CFAP53: variants seen among roughly 807,000 people sequenced by gnomAD.
CFAP53 encodes cilia and flagella associated protein 53.
In CFAP53, 62 loss-of-function variants were observed where a neutral mutation model predicts 59.7. That is an observed-to-expected ratio of 1.04 (90% confidence interval 0.85 to 1.28). The LOEUF (loss-of-function observed/expected upper bound fraction) is 1.28, where lower values mean the gene tolerates loss of function less well. CFAP53 is among the 50% of genes most tolerant of loss of function. The pLI, the probability that CFAP53 is intolerant of heterozygous loss-of-function variation, is 0.00. For missense variants in CFAP53, 629 were observed against 615.6 expected (o/e 1.02, Z -0.23); for synonymous variants, 218 against 205.7 (o/e 1.06, Z -0.51).
rs1438605920 is a variant in CFAP53 at position 50,242,001 on chromosome 18, T to C, written c.1213+899A>G. Among the ~76,000 whole-genome samples the C allele has an allele frequency of 2.6e-5, 4 of 152,152 alleles. No individual in the cohort carries two copies. In the South Asian group the frequency reaches 6.2e-4, roughly 24 times the overall value. ...CAGACACTCCCAGAGCAGCTGTCTA[T>C]AGACCTACCCCCAGGAATGCATTCC... On this transcript the variant is annotated intron_variant, in intron 6 of 7. Coordinates refer to ENST00000398545, the MANE Select transcript of CFAP53 (RefSeq NM_145020.5).
At position 50,244,878 on chromosome 18, in the gene CFAP53, TG is replaced by T. The variant is rs141472736; in HGVS notation, c.997-1763del. ...GAGTTGGAAACCAGCCTGGCCAACA[TG>T]GTAAAACCCCGTCTCTACTAAAAAT... On this transcript the variant is annotated intron_variant, in intron 5 of 7. Coordinates refer to ENST00000398545, the MANE Select transcript of CFAP53 (RefSeq NM_145020.5). 0.013 allele frequency among the ~76,000 whole-genome samples: 1,962 copies of T among 150,884 alleles called. 132 individuals are homozygous for T. In the East Asian group the frequency reaches 0.21, roughly 17 times the overall value.
chr18:50,258,661 G>A (rs968982593), intron 3 of CFAP53, among the ~76,000 whole-genome samples: 1 of 152,128 alleles, frequency 6.6e-6, no homozygotes, highest in African/African-American at 2.4e-5. Context: ...ACAAAGTGAA[G>A]AGACAACCCA....
intron 3 of CFAP53, among the ~76,000 whole-genome samples, chr18:50,254,877 G>A (rs575514353): frequency 6.6e-6 from 1 of 152,318 alleles, no homozygotes; most frequent in East Asian, 1.9e-4. Context: ...GGCAACAAGA[G>A]TGAAACTCTG....
chr18:50,227,537 T>C lies in CFAP53; in HGVS notation c.1389A>G (p.Glu463=). 1 of 1,614,228 alleles carries C rather than the reference T, an allele frequency of 6.2e-7. No homozygotes were observed. The highest frequency in any genetic ancestry group is 8.5e-7 in the Non-Finnish European group (1 of 1,180,038). ...CTCGGCGTTTCTCTTCCTTCTCTGC[T>C]TCTTGGGACTGCTGCTGGTAGGCGA... is the stretch of plus-strand genomic sequence containing the variant. ...MQIAYQQQSQ[E]AEKEEKRREF... The change falls in exon 8 of 8, where the codon GAA becomes GAG. Residue 463 remains glutamate (E), a synonymous_variant. Transcript: ENST00000398545.
chr18:50,229,267 A>G (rs4299249), intron 7 of CFAP53, among the ~76,000 whole-genome samples: 149,799 of 152,238 alleles, frequency 0.98, 73,745 homozygotes, highest in East Asian at 1. Context: ...CCTGGTAACC[A>G]CCATTCTACT....
chr18:50,237,999 G>T (rs2033654457), intron 7 of CFAP53, among the ~76,000 whole-genome samples: 1 of 152,090 alleles, frequency 6.6e-6, no homozygotes, highest in South Asian at 2.1e-4. Context: ...TAGGATTTAA[G>T]GTTGGTGCCA....
At chr18:50,250,233 AAAAAGAG>A (rs1568155982) in intron 5 of CFAP53, among the ~76,000 whole-genome samples, 2 of 143,422 alleles carry the variant, frequency 1.4e-5, no homozygotes, top group South Asian at 2.3e-4. Context: ...AAAAAAAAAA[AAAAAGAG>A]AGAGAGAGAG....
chr18:50,264,072 G>T (rs1266757175), intron 1 of CFAP53, among the ~76,000 whole-genome samples: 1 of 152,166 alleles, frequency 6.6e-6, no homozygotes, highest in African/African-American at 2.4e-5. Context: ...AAAGTAAAAA[G>T]AAACAGGGGA....
intron 7 of CFAP53, among the ~76,000 whole-genome samples, chr18:50,232,514 T>C (rs1333757479): frequency 6.6e-6 from 1 of 152,172 alleles, no homozygotes; most frequent in African/African-American, 2.4e-5. Flanking sequence ...GCCAGGTTAC[T>C]GAAAGGCAGA....
chr18:50,245,402 A>C (rs1002568958), intron 5 of CFAP53, among the ~76,000 whole-genome samples: 12 of 151,750 alleles, frequency 7.9e-5, no homozygotes, highest in South Asian at 2.1e-4. Flanking sequence ...AAAAAAAAAA[A>C]AAAAAAACTA....
intron 6 of CFAP53, among the ~76,000 whole-genome samples, 167 bp downstream of exon 6, chr18:50,242,733 A>G (rs2033702702): frequency 6.6e-6 from 1 of 152,222 alleles, no homozygotes; most frequent in African/African-American, 2.4e-5. Flanking sequence ...TGGTCTCTTC[A>G]TATATATCCA....
rs1568148474 is a variant in CFAP53 at position 50,227,427 on chromosome 18, T to C, written c.1499A>G (p.Asn500Ser). Residue 500 changes from asparagine (N) to serine (S), a missense_variant, in exon 8 of 8, where the codon AAC becomes AGC. By Grantham distance (46) the Asn-to-Ser change is conservative. Coordinates refer to ENST00000398545, the MANE Select transcript of CFAP53 (RefSeq NM_145020.5). ...GCATGCCTTGCGCATGGGATGAATG[T>C]TTTGAGGCAGCACTTGATGGGTGGA... ...VLSTHQVLPQ[N>S]IHPMRKACPS... 1 of 1,614,140 alleles carries C rather than the reference T, an allele frequency of 6.2e-7. No individual in the cohort carries two copies. Among genetic ancestry groups the C allele is most frequent in the African/African-American group, 1.3e-5 (1 of 75,032 alleles).
At chr18:50,253,645 TTTATTTTTA>T (rs539233533) in intron 3 of CFAP53, among the ~76,000 whole-genome samples, 29 of 152,222 alleles carry the variant, frequency 1.9e-4, no homozygotes, top group Non-Finnish European at 3.8e-4. Flanking sequence ...TTACTGCAAA[TTTATTTTTA>T]TTATTTTTAT....
At chr18:50,237,749 C>T (rs2033652308) in intron 7 of CFAP53, among the ~76,000 whole-genome samples, 1 of 152,100 alleles carries the variant, frequency 6.6e-6, no homozygotes, top group South Asian at 2.1e-4. Context: ...CCCACCTGAG[C>T]CTGGTTGTGG....
At chr18:50,248,127 A>AT (rs1465171482) in intron 5 of CFAP53, among the ~76,000 whole-genome samples, 5 of 105,460 alleles carry the variant, frequency 4.7e-5, no homozygotes, top group African/African-American at 6.0e-5. Context: ...CTCAACAAAA[A>AT]TTAAAAAAAA....
chr18:50,245,010 C>A, intron 5 of CFAP53, among the ~76,000 whole-genome samples: 1 of 141,638 alleles, frequency 7.1e-6, no homozygotes, highest in Non-Finnish European at 1.5e-5. Flanking sequence ...TTGCAGTGAG[C>A]CAAGAACATG....
chr18:50,251,706 A>C lies in CFAP53; in HGVS notation c.552T>G (p.Ile184Met). 4 of 1,614,192 alleles carry C rather than the reference A, an allele frequency of 2.5e-6. No individual in the cohort carries two copies. The highest frequency in any genetic ancestry group is 1.6e-4 in the Middle Eastern group (1 of 6,062). Residue 184 changes from isoleucine (I) to methionine (M), a missense_variant, in exon 4 of 8, where the codon ATT (isoleucine) becomes ATG (methionine). Transcript: ENST00000398545. ...KKVCEERKAQ[I>M]AFNEELSRQK... The stretch of plus-strand genomic sequence containing the variant: ...GCCTGCTCAGCTCCTCATTAAATGC[A>C]ATCTGTGCTTTCCGCTCCTCACACA...
Position 50,261,154 on chromosome 18 carries a change from T to A in CFAP53, c.383A>T (p.Asp128Val). 6.3e-7 allele frequency: 1 copy of A among 1,598,662 alleles called. No homozygotes were observed. The highest frequency in any genetic ancestry group is 1.8e-5 in the Admixed American group (1 of 56,702). Reference sequence around the variant, plus strand: ...TAATTTAGTTTTCTCTCTCATCCTATCTTTTTTCTCCTCAATGGTTTCTTT... The same window carrying A: ...TAATTTAGTTTTCTCTCTCATCCTAACTTTTTTCTCCTCAATGGTTTCTTT... ...LKKETIEEKK[D>V]RMREKTKLLK... is the part of the protein sequence containing the mutation. The change falls in exon 3 of 8, where the codon GAT becomes GTT. Residue 128 changes from aspartate to valine, a missense_variant. Transcript: ENST00000398545.
At position 50,266,480 on chromosome 18, in the gene CFAP53, C is replaced by T. The variant is rs1295885327; in HGVS notation, c.-76G>A. 6 of 1,440,960 alleles carry T rather than the reference C, an allele frequency of 4.2e-6. No homozygotes were observed. The highest frequency in any genetic ancestry group is 5.9e-6 in the Non-Finnish European group (6 of 1,022,660). 89.3% of individuals were successfully genotyped at this position (1,440,960 alleles called of 1,614,324 possible). A position where few individuals can be genotyped will look rare whatever the true frequency, so the allele number is the denominator to read the frequency against. On this transcript the variant is annotated 5_prime_UTR_variant, in exon 1 of 8. Transcript: ENST00000398545. ...CGTGGCGACCTGCGGGACCCGCTTCCGCGACGCAGAAGTCTGGTTGCCATG... is the reference window on the plus strand; with the variant it reads ...CGTGGCGACCTGCGGGACCCGCTTCTGCGACGCAGAAGTCTGGTTGCCATG...
Sources: allele counts gnomAD v4.1 joint callset (sites outside exome capture counted in the v4.1 genomes callset), GRCh38; gene constraint gnomAD v4.1.1; transcripts MANE v1.5; gene names NCBI Gene and HGNC (gene_info 2026-07-23, HGNC 2026-07-21).